Variants in STK32B observed in about 807,000 individuals in gnomAD.
STK32B encodes the protein serine/threonine-protein kinase 32B.
A neutral mutation model predicts 52.6 loss-of-function variants in STK32B; 43 were observed. The observed-to-expected ratio is 0.82, with a 90% CI of 0.64 to 1.05. The LOEUF (loss-of-function observed/expected upper bound fraction) is 1.05, where lower values mean the gene tolerates loss of function less well. Ranked by LOEUF, STK32B falls within the 50% of genes least tolerant of loss-of-function variation. The pLI, the probability that STK32B is intolerant of heterozygous loss-of-function variation, is 0.00. For synonymous variants in STK32B, 238 were observed against 204.3 expected (o/e 1.17, Z -1.41); for missense variants, 621 against 534.6 (o/e 1.16, Z -1.59).
chr4:5,197,879 T>C (rs1721812065), intron 3 of STK32B, among the ~76,000 whole-genome samples: 1 of 152,228 alleles, frequency 6.6e-6, no homozygotes, highest in African/African-American at 2.4e-5. Flanking sequence ...AATTTATCAA[T>C]AGTGAGCCAT....
intron 3 of STK32B, among the ~76,000 whole-genome samples, chr4:5,276,231 G>C (rs931478384): frequency 6.6e-6 from 1 of 152,112 alleles, no homozygotes; most frequent in Non-Finnish European, 1.5e-5. Context: ...AGAGGTTTCA[G>C]TGAGCCAAGA....
intron 3 of STK32B, among the ~76,000 whole-genome samples, chr4:5,207,930 G>A (rs879166517): frequency 6.6e-6 from 1 of 151,730 alleles, no homozygotes; most frequent in African/African-American, 2.4e-5. Context: ...TTCCTTCTCT[G>A]TACATTTATT....
At chr4:5,422,211 G>A (rs1157954862) in intron 6 of STK32B, among the ~76,000 whole-genome samples, 2 of 152,230 alleles carry the variant, frequency 1.3e-5, no homozygotes, top group Non-Finnish European at 2.9e-5. Context: ...TTGGGGAATA[G>A]TACCAGGCAG....
chr4:5,263,181 G>GA (rs1194243765), intron 3 of STK32B, among the ~76,000 whole-genome samples: 1 of 145,046 alleles, frequency 6.9e-6, no homozygotes, highest in Non-Finnish European at 1.5e-5. Context: ...CTAAGGCAGT[G>GA]AAAAAAGAGG....
At chr4:5,401,990 T>A (rs1299498084) in intron 5 of STK32B, among the ~76,000 whole-genome samples, 1 of 152,196 alleles carries the variant, frequency 6.6e-6, no homozygotes, top group African/African-American at 2.4e-5. Context: ...GCCGATCCCC[T>A]CTGGCCTTGG....
At chr4:5,057,544 A>T (rs762155452) in intron 1 of STK32B, among the ~76,000 whole-genome samples, 1 of 152,152 alleles carries the variant, frequency 6.6e-6, no homozygotes, top group Non-Finnish European at 1.5e-5. Context: ...TTCCTACTTT[A>T]TGGGATCGTA....
intron 2 of STK32B, among the ~76,000 whole-genome samples, chr4:5,160,390 A>G (rs1032308868): frequency 1.3e-5 from 2 of 152,186 alleles, no homozygotes; most frequent in Non-Finnish European, 2.9e-5. Context: ...CAGTGTGTCA[A>G]CACGTGCCAC....
chr4:5,379,108 T>C (rs1028018767), intron 4 of STK32B, among the ~76,000 whole-genome samples: 6 of 152,040 alleles, frequency 3.9e-5, no homozygotes, highest in African/African-American at 1.4e-4. Flanking sequence ...TCCCTACCTG[T>C]TGGTCAGTGA....
At chr4:5,241,734 A>C (rs1725041482) in intron 3 of STK32B, among the ~76,000 whole-genome samples, 1 of 151,464 alleles carries the variant, frequency 6.6e-6, no homozygotes, top group South Asian at 2.1e-4. Context: ...TGCTCCCACC[A>C]CCCCACAACA....
chr4:5,372,387 G>A (rs1352975584), intron 4 of STK32B, among the ~76,000 whole-genome samples: 1 of 152,142 alleles, frequency 6.6e-6, no homozygotes, highest in Non-Finnish European at 1.5e-5. Context: ...TACCGAAAAT[G>A]CCATGATGGT....
chr4:5,364,041 T>G (rs1560354204), intron 4 of STK32B, among the ~76,000 whole-genome samples: 1 of 149,242 alleles, frequency 6.7e-6, no homozygotes, highest in Non-Finnish European at 1.5e-5. Context: ...GGCATCCTTT[T>G]GAAAAAAAAA....
intron 1 of STK32B, among the ~76,000 whole-genome samples, chr4:5,087,672 T>C (rs190288795): frequency 5.3e-5 from 8 of 151,364 alleles, no homozygotes; most frequent in Admixed American, 3.3e-4. Context: ...CATAATAGAC[T>C]TTAAGAAAAA....
At chr4:5,174,678 G>A (rs1047597121) in intron 3 of STK32B, among the ~76,000 whole-genome samples, 3 of 152,202 alleles carry the variant, frequency 2.0e-5, no homozygotes, top group African/African-American at 4.8e-5. Flanking sequence ...TCAGCTGGTA[G>A]GTTGATGGGC....
chr4:5,090,255 T>G (rs1007471890), intron 1 of STK32B, among the ~76,000 whole-genome samples: 14 of 152,138 alleles, frequency 9.2e-5, no homozygotes, highest in Non-Finnish European at 1.9e-4. Context: ...TTGCAATTGC[T>G]TTTGGTATTT....
Position 5,051,788 on chromosome 4 carries a change from A to T in STK32B, c.-76A>T. 1 of 1,545,150 alleles carries T rather than the reference A, an allele frequency of 6.5e-7. No individual in the cohort carries two copies. The highest frequency in any genetic ancestry group is 8.7e-7 in the Non-Finnish European group (1 of 1,143,812). ...ACTGGGCGCGCCCCCGGCATCCCGC[A>T]TCTCTGCGCGCGTCCCACATCCCGC... On this transcript the variant is annotated 5_prime_UTR_variant, in exon 1 of 12. Transcript: ENST00000282908.
At chr4:5,051,371 A>AGGGCCGAGCAGGGATTCAGATTCTTCC (rs554161764), upstream of STK32B, 2,036 of 159,430 alleles carry the variant, frequency 0.013, 41 homozygotes, top group African/African-American at 0.041. Context: ...CCGAGGGAGG[A>AGGGCCGAGCAGGGATTCAGATTCTTCC]GGGCCGAGCA....
At chr4:5,483,538 G>A (rs548956761) in intron 11 of STK32B, among the ~76,000 whole-genome samples, 3 of 152,070 alleles carry the variant, frequency 2.0e-5, no homozygotes, top group Admixed American at 6.6e-5. Context: ...CCAAAAACCA[G>A]CTCCTGGATT....
chr4:5,132,129 ATT>A (rs1715814415), intron 1 of STK32B, among the ~76,000 whole-genome samples: 2 of 152,114 alleles, frequency 1.3e-5, no homozygotes, highest in African/African-American at 4.8e-5. Flanking sequence ...GCTGTGTAGT[ATT>A]CCTTGGTGTA....
At chr4:5,478,151 C>A (rs557621267) in intron 11 of STK32B, among the ~76,000 whole-genome samples, 1 of 152,084 alleles carries the variant, frequency 6.6e-6, no homozygotes, top group African/African-American at 2.4e-5. Flanking sequence ...CCATTCTCAC[C>A]CTAAAAATGG....
Sources: allele counts gnomAD v4.1 joint callset (sites outside exome capture counted in the v4.1 genomes callset), GRCh38; gene constraint gnomAD v4.1.1; transcripts MANE v1.5; gene names NCBI Gene and HGNC (gene_info 2026-07-23, HGNC 2026-07-21).